The following SGCZ variants were observed in gnomAD, a reference collection of about 807,000 sequenced individuals.
SGCZ encodes zeta-sarcoglycan.
A neutral mutation model predicts 41.3 loss-of-function variants in SGCZ; 40 were observed. The ratio of observed to expected loss-of-function variants is 0.97; its 90% CI spans 0.75 to 1.26. The LOEUF (loss-of-function observed/expected upper bound fraction) is 1.26. Ranked by LOEUF, SGCZ falls within the 50% of genes most tolerant of loss-of-function variation. SGCZ has a pLI of 0.00. For missense variants in SGCZ, 552 were observed against 369.8 expected, an observed-to-expected ratio of 1.49 and a Z score of -4.04; for synonymous variants, 206 against 137.5, an observed-to-expected ratio of 1.50 and a Z score of -3.49.
intron 2 of SGCZ, among the ~76,000 whole-genome samples, chr8:14,352,102 C>A (rs1023977429): frequency 1.3e-5 from 2 of 152,040 alleles, no homozygotes; most frequent in Non-Finnish European, 2.9e-5. Context: ...TAGCTTCTTT[C>A]ATTAAAATTC....
chr8:15,192,921 T>C (rs1800588222), intron 1 of SGCZ, among the ~76,000 whole-genome samples: 1 of 152,006 alleles, frequency 6.6e-6, no homozygotes, highest in African/African-American at 2.4e-5. Context: ...GACTAAGGAT[T>C]CCCAAAGACA....
chr8:15,030,793 C>A (rs1472857725), intron 1 of SGCZ, among the ~76,000 whole-genome samples: 1 of 151,948 alleles, frequency 6.6e-6, no homozygotes, highest in Non-Finnish European at 1.5e-5. Flanking sequence ...CGAAGGGATA[C>A]TAACAAAGAA....
chr8:14,716,068 C>G (rs1054585193), intron 1 of SGCZ, among the ~76,000 whole-genome samples: 6 of 151,796 alleles, frequency 4.0e-5, no homozygotes, highest in Non-Finnish European at 5.9e-5. Flanking sequence ...CGGAAAATAC[C>G]AGATAGCAAA....
chr8:14,808,527 G>C (rs1182791513), intron 1 of SGCZ, among the ~76,000 whole-genome samples: 2 of 152,116 alleles, frequency 1.3e-5, no homozygotes, highest in Non-Finnish European at 2.9e-5. Flanking sequence ...AAACCACAAT[G>C]AGATACCATC....
chr8:14,981,632 G>A (rs1801664581), intron 1 of SGCZ, among the ~76,000 whole-genome samples: 1 of 151,958 alleles, frequency 6.6e-6, no homozygotes, highest in Non-Finnish European at 1.5e-5. Flanking sequence ...TTGTTCATGT[G>A]GTCCAACTCA....
chr8:14,322,456 A>G (rs989774974), intron 3 of SGCZ, among the ~76,000 whole-genome samples: 11 of 152,048 alleles, frequency 7.2e-5, no homozygotes, highest in African/African-American at 2.7e-4. Flanking sequence ...AGTGGACTCC[A>G]TCCTCTATGG....
intron 1 of SGCZ, among the ~76,000 whole-genome samples, chr8:14,948,344 C>T (rs1038633745): frequency 3.3e-5 from 5 of 152,084 alleles, no homozygotes; most frequent in African/African-American, 1.2e-4. Flanking sequence ...ATAATCACAA[C>T]TCAGGAGGCC....
At chr8:14,823,848 T>C (rs1194878096) in intron 1 of SGCZ, among the ~76,000 whole-genome samples, 1 of 152,066 alleles carries the variant, frequency 6.6e-6, no homozygotes, top group African/African-American at 2.4e-5. Flanking sequence ...AACAGATGAA[T>C]GGGTAAAGAT....
intron 3 of SGCZ, among the ~76,000 whole-genome samples, chr8:14,308,807 G>A (rs1277344311): frequency 1.3e-5 from 2 of 152,104 alleles, no homozygotes; most frequent in South Asian, 2.1e-4. Context: ...AACAGTGATG[G>A]TCTAATGCAT....
At chr8:14,111,653 CAT>C (rs1802375285) in intron 5 of SGCZ, among the ~76,000 whole-genome samples, 1 of 152,152 alleles carries the variant, frequency 6.6e-6, no homozygotes, top group Non-Finnish European at 1.5e-5. Flanking sequence ...TGTTACAAGA[CAT>C]AGGGAAAACC....
At chr8:14,689,936 A>G (rs1808744110) in intron 1 of SGCZ, among the ~76,000 whole-genome samples, 2 of 152,340 alleles carry the variant, frequency 1.3e-5, no homozygotes, top group African/African-American at 4.8e-5. Context: ...CACTGAAGAA[A>G]TTAGTCAAAA....
chr8:14,881,874 G>A (rs1442675542), intron 1 of SGCZ, among the ~76,000 whole-genome samples: 1 of 152,134 alleles, frequency 6.6e-6, no homozygotes, highest in Non-Finnish European at 1.5e-5. Context: ...CATCATAACA[G>A]TCTCTCAGAT....
chr8:14,924,059 C>T (rs1299360847), intron 1 of SGCZ, among the ~76,000 whole-genome samples: 1 of 152,176 alleles, frequency 6.6e-6, no homozygotes, highest in East Asian at 1.9e-4. Flanking sequence ...AGGGGAGTTT[C>T]ATGGTTGTGA....
intron 2 of SGCZ, among the ~76,000 whole-genome samples, chr8:14,430,481 G>A (rs562422510): frequency 1.2e-4 from 18 of 152,052 alleles, no homozygotes; most frequent in Non-Finnish European, 2.5e-4. Context: ...AAAAGCATTG[G>A]ACAAAATCCA....
At position 14,976,397 on chromosome 8, in the gene SGCZ, G is replaced by A. The variant is rs576269340; in HGVS notation, c.39+261188C>T. On this transcript the variant is annotated intron_variant, in intron 1 of 7. Coordinates refer to ENST00000382080, the MANE Select transcript of SGCZ (RefSeq NM_139167.4). ...TTTAGAAACTGATAAATCTAAATGT[G>A]CAAAATCTTATATACTAATATTCCC... 7.5e-4 allele frequency among the ~76,000 whole-genome samples: 114 copies of A among 152,214 alleles called. 2 individuals carry two copies. In the South Asian group the frequency reaches 0.022, roughly 30 times the overall value.
intron 1 of SGCZ, among the ~76,000 whole-genome samples, chr8:14,918,164 C>G (rs990402240): frequency 6.6e-6 from 1 of 152,108 alleles, no homozygotes; most frequent in African/African-American, 2.4e-5. Context: ...GTATTTCTTT[C>G]TTCTCCATTT....
chr8:14,874,578 A>G (rs902364209), intron 1 of SGCZ, among the ~76,000 whole-genome samples: 18 of 152,150 alleles, frequency 1.2e-4, no homozygotes, highest in Admixed American at 3.3e-4. Context: ...AAATATTAAT[A>G]TGTAGATTCT....
intron 2 of SGCZ, among the ~76,000 whole-genome samples, chr8:14,419,400 T>C (rs1279523736): frequency 6.6e-6 from 1 of 152,014 alleles, no homozygotes; most frequent in Non-Finnish European, 1.5e-5. Flanking sequence ...TCTCAACCTA[T>C]GTATCAATTA....
chr8:14,761,485 T>A (rs1038316877), intron 1 of SGCZ, among the ~76,000 whole-genome samples: 1 of 151,098 alleles, frequency 6.6e-6, no homozygotes, highest in Non-Finnish European at 1.5e-5. Context: ...ACTCTCAAGA[T>A]TAATTGTACA....
Sources: gnomAD v4.1 joint callset for allele counts (sites outside exome capture counted in the v4.1 genomes callset) on GRCh38, gnomAD v4.1.1 for gene constraint, MANE v1.5 for transcripts, NCBI Gene and HGNC (gene_info 2026-07-23, HGNC 2026-07-21) for gene names.